The following RAD51B variants were observed in gnomAD, a reference collection of about 807,000 sequenced individuals.
RAD51B encodes RAD51 paralog B.
A neutral mutation model predicts 42.2 loss-of-function variants in RAD51B; 38 were observed. The observed-to-expected ratio is 0.90, with a 90% CI of 0.70 to 1.18. The LOEUF (loss-of-function observed/expected upper bound fraction) is 1.18. RAD51B is among the 50% of genes most tolerant of loss of function. The probability of loss-of-function intolerance (pLI) is 0.00; values close to 1 mark genes in which losing one functional copy is unlikely to be tolerated. For missense variants in RAD51B, 373 were observed against 400.7 expected (o/e 0.93, Z 0.59); for synonymous variants, 154 against 145.2 (o/e 1.06, Z -0.43).
rs559152544 is a variant in RAD51B, at chr14:68,131,910, G to A, written c.757-159974G>A. ...AGCCTAAAAAAGAGAAAACTTTGGG[G>A]ATATGTTTAAGATAGACTTGTTTAA... is the stretch of plus-strand genomic sequence containing the variant. On this transcript the variant is annotated intron_variant, in intron 7 of 10. Transcript: ENST00000471583. Among the ~76,000 whole-genome samples the A allele has an allele frequency of 1.2e-4, 18 of 152,290 alleles. No individual in the cohort carries two copies. In the East Asian group the frequency reaches 3.5e-3, roughly 29 times the overall value.
At chr14:68,497,269 A>G in intron 10 of RAD51B, 1 of 1,328,722 alleles carries the variant, frequency 7.5e-7, no homozygotes, top group Non-Finnish European at 9.8e-7. Context: ...TTTGGTTGCT[A>G]CTGTGTAGAC....
intron 10 of RAD51B, among the ~76,000 whole-genome samples, chr14:68,566,470 A>G (rs1172021526): frequency 6.6e-6 from 1 of 152,220 alleles, no homozygotes; most frequent in Non-Finnish European, 1.5e-5. Context: ...AAACTTGAGC[A>G]CTGCTTGTCT....
At chr14:68,483,115 A>C (rs1883333075) in intron 10 of RAD51B, among the ~76,000 whole-genome samples, 1 of 152,116 alleles carries the variant, frequency 6.6e-6, no homozygotes, top group Non-Finnish European at 1.5e-5. Flanking sequence ...AATGATATAC[A>C]TTCCTTCTAC....
chr14:67,835,999 G>T (rs1480061037), intron 4 of RAD51B, among the ~76,000 whole-genome samples: 5 of 152,190 alleles, frequency 3.3e-5, no homozygotes, highest in African/African-American at 9.7e-5. Flanking sequence ...ACTAAAGTGA[G>T]CTGTTTTTAC....
chr14:67,915,174 C>A (rs1169881110), intron 7 of RAD51B, among the ~76,000 whole-genome samples: 1 of 152,176 alleles, frequency 6.6e-6, no homozygotes, highest in East Asian at 1.9e-4. Context: ...TAAACCTCAG[C>A]ATCACGCAAT....
chr14:68,079,446 A>C (rs976765660), intron 7 of RAD51B, among the ~76,000 whole-genome samples: 1 of 152,230 alleles, frequency 6.6e-6, no homozygotes, highest in African/African-American at 2.4e-5. Context: ...TCTACTTGAC[A>C]GTATTTAGCA....
At chr14:68,264,213 T>G (rs781268226) in intron 7 of RAD51B, among the ~76,000 whole-genome samples, 28 of 152,228 alleles carry the variant, frequency 1.8e-4, no homozygotes, top group African/African-American at 6.0e-4. Context: ...AGGACTGTTT[T>G]GACTAGCTGG....
In RAD51B at chr14:68,532,923, G is replaced by A. The variant is rs576025556; in HGVS notation, c.1037-61562G>A. Among the ~76,000 whole-genome samples, 7 of 152,194 alleles carry A rather than the reference G, an allele frequency of 4.6e-5. No individual in the cohort carries two copies. In the East Asian group the frequency reaches 1.4e-3, roughly 29 times the overall value. Reference sequence around the variant, plus strand: ...ACTCTTAGCAAAGTAAGAATAGGCAGGAACTTCCTTAACTTGATAAAGAAC... The same window carrying A: ...ACTCTTAGCAAAGTAAGAATAGGCAAGAACTTCCTTAACTTGATAAAGAAC... On this transcript the variant is annotated intron_variant, in intron 10 of 10. Transcript: ENST00000487270.
chr14:68,525,132 A>ATCTC (rs1322036150), intron 10 of RAD51B, among the ~76,000 whole-genome samples: 1 of 152,260 alleles, frequency 6.6e-6, no homozygotes, highest in Non-Finnish European at 1.5e-5. Context: ...AGAAAACTCA[A>ATCTC]TGTCAGTAAA....
chr14:68,180,920 G>A (rs984360840), intron 7 of RAD51B, among the ~76,000 whole-genome samples: 4 of 152,164 alleles, frequency 2.6e-5, no homozygotes, highest in Non-Finnish European at 5.9e-5. Context: ...TACAGATTGG[G>A]GGAACTGGCA....
intron 9 of RAD51B, among the ~76,000 whole-genome samples, chr14:68,414,859 T>TAAAAAAAA (rs33968049): frequency 1.4e-5 from 1 of 71,210 alleles, no homozygotes; most frequent in Non-Finnish European, 2.6e-5. Flanking sequence ...CCATCTCTAC[T>TAAAAAAAA]AAAAAAAAAA....
intron 9 of RAD51B, among the ~76,000 whole-genome samples, chr14:68,464,139 A>G (rs4902596): frequency 0.22 from 32,931 of 152,116 alleles, 4,229 homozygotes; most frequent in East Asian, 0.52. Context: ...TTCTAACCAA[A>G]TTGAGATTTG....
downstream of RAD51B, among the ~76,000 whole-genome samples, chr14:68,597,861 A>G (rs1273975474): frequency 1.3e-5 from 2 of 151,776 alleles, no homozygotes; most frequent in African/African-American, 2.4e-5. Flanking sequence ...ACTCTACTCT[A>G]TCCTTGCCAG....
chr14:67,820,652 G>C (rs2040595819), intron 1 of RAD51B, among the ~76,000 whole-genome samples: 1 of 152,090 alleles, frequency 6.6e-6, no homozygotes, highest in African/African-American at 2.4e-5. Context: ...ACATTGGAGA[G>C]GAAAAGACTT....
chr14:67,989,633 C>G lies in RAD51B; in HGVS notation c.756+102429C>G, dbSNP rs559563213. On this transcript the variant is annotated intron_variant, in intron 7 of 10. Coordinates refer to ENST00000471583, the MANE Select transcript of RAD51B (RefSeq NM_133510.4). Reference sequence around the variant, plus strand: ...CTGGGCAACAAGAGCGAAACTCTGTCTCAAAAAAAAAAAAAAAAAAAAAAG... The same window carrying G: ...CTGGGCAACAAGAGCGAAACTCTGTGTCAAAAAAAAAAAAAAAAAAAAAAG... Among the ~76,000 whole-genome samples the G allele has an allele frequency of 3.3e-4, 19 of 57,498 alleles. No individual in the cohort carries two copies. The South Asian group carries it at 9.2e-3, about 28-fold the overall frequency. 37.7% of individuals were successfully genotyped at this position (57,498 alleles called of 152,430 possible). A position where few individuals can be genotyped will look rare whatever the true frequency, so the allele number is the denominator to read the frequency against.
intron 10 of RAD51B, among the ~76,000 whole-genome samples, chr14:68,548,633 G>C (rs991666801): frequency 6.6e-6 from 1 of 152,234 alleles, no homozygotes; most frequent in African/African-American, 2.4e-5. Flanking sequence ...GGGACAGAGT[G>C]GATGTCTGTG....
chr14:68,424,358 A>G (rs2084782019), intron 9 of RAD51B, among the ~76,000 whole-genome samples: 1 of 152,174 alleles, frequency 6.6e-6, no homozygotes. Context: ...AAAACTCTCT[A>G]GCAGTACTAT....
At chr14:68,330,684 A>G (rs1339880727) in intron 8 of RAD51B, among the ~76,000 whole-genome samples, 1 of 152,258 alleles carries the variant, frequency 6.6e-6, no homozygotes, top group Non-Finnish European at 1.5e-5. Flanking sequence ...CAAACAGCAT[A>G]TCAGAAAAAA....
intron 7 of RAD51B, among the ~76,000 whole-genome samples, chr14:68,282,623 A>G (rs534479108): frequency 1.1e-4 from 16 of 152,314 alleles, no homozygotes; most frequent in African/African-American, 3.1e-4. Context: ...TCAAATAAAT[A>G]ACTTTTGTTC....
Sources: allele counts gnomAD v4.1 joint callset (sites outside exome capture counted in the v4.1 genomes callset), GRCh38; gene constraint gnomAD v4.1.1; transcripts MANE v1.5; gene names NCBI Gene and HGNC (gene_info 2026-07-23, HGNC 2026-07-21).